Variants in SNRPN observed in about 807,000 individuals in gnomAD.
The protein encoded by SNRPN is small nuclear ribonucleoprotein polypeptide N.
A neutral mutation model predicts 25.2 loss-of-function variants in SNRPN; 7 were observed. The ratio of observed to expected loss-of-function variants is 0.28; its 90% CI spans 0.16 to 0.52. SNRPN has a LOEUF of 0.52. SNRPN is among the 20% of genes least tolerant of loss of function. The pLI is 0.96. For missense variants in SNRPN, 196 were observed against 322.5 expected, an observed-to-expected ratio of 0.61 and a Z score of 3.00; for synonymous variants, 124 against 110.6, an observed-to-expected ratio of 1.12 and a Z score of -0.76.
intron 2 of SNRPN, among the ~76,000 whole-genome samples, chr15:24,831,194 C>A (rs1023326773): frequency 6.6e-6 from 1 of 151,898 alleles, no homozygotes; most frequent in African/African-American, 2.4e-5. Flanking sequence ...AGGTCTTTAT[C>A]CCTGATAATT....
chr15:24,907,515 A>G (rs560396560), intron 2 of SNRPN, among the ~76,000 whole-genome samples: 52 of 151,526 alleles, frequency 3.4e-4, no homozygotes, highest in African/African-American at 1.2e-3. Flanking sequence ...GGAGAATGGC[A>G]TGAACCCAGG....
chr15:24,896,484 G>A (rs1411985029), intron 2 of SNRPN, among the ~76,000 whole-genome samples: 2 of 152,090 alleles, frequency 1.3e-5, no homozygotes, highest in African/African-American at 4.8e-5. Context: ...TGGCTCCTAG[G>A]CAGATCACAA....
chr15:24,965,403 AG>A (rs1190488093), intron 2 of SNRPN, among the ~76,000 whole-genome samples: 1 of 152,052 alleles, frequency 6.6e-6, no homozygotes, highest in Admixed American at 6.6e-5. Context: ...CGGGTGTGGT[AG>A]TGTGCACCTG....
In SNRPN at chr15:24,927,581, G is replaced by A. The variant is rs1010154534; in HGVS notation, c.-391+7457G>A. Among the ~76,000 whole-genome samples, 6 of 142,592 alleles carry A rather than the reference G, an allele frequency of 4.2e-5. No individual in the cohort carries two copies. In the East Asian group the frequency reaches 1.3e-3, roughly 31 times the overall value. The allele number at this position is 142,592 out of a possible 152,430, so 93.5% of individuals were successfully genotyped here. Reference sequence around the variant, plus strand: ...GTCCCTAATGCATTTCCTGAGAACCGGGATATACGTTTGGATAATCATAGT... The same window carrying A: ...GTCCCTAATGCATTTCCTGAGAACCAGGATATACGTTTGGATAATCATAGT... On this transcript the variant is annotated intron_variant, in intron 3 of 11. Transcript: ENST00000400097.
chr15:24,926,353 C>G (rs1390660160), intron 3 of SNRPN, among the ~76,000 whole-genome samples: 1 of 152,114 alleles, frequency 6.6e-6, no homozygotes, highest in Non-Finnish European at 1.5e-5. Context: ...GAAGTCATCT[C>G]TTTCCACCCG....
intron 3 of SNRPN, chr15:24,968,292 C>A: frequency 5.1e-6 from 2 of 392,952 alleles, no homozygotes; most frequent in Non-Finnish European, 9.3e-6. Flanking sequence ...TATTGTAGCG[C>A]ATGCTTTTCA....
At chr15:24,895,317 A>G (rs1167009181) in intron 2 of SNRPN, among the ~76,000 whole-genome samples, 1 of 152,018 alleles carries the variant, frequency 6.6e-6, no homozygotes, top group Non-Finnish European at 1.5e-5. Context: ...TTCAGCTTAA[A>G]ATATTCATTA....
chr15:24,959,350 G>A (rs1018092343), intron 1 of SNRPN, among the ~76,000 whole-genome samples: 2 of 152,196 alleles, frequency 1.3e-5, no homozygotes, highest in Non-Finnish European at 2.9e-5. Flanking sequence ...ATTTAAGCCA[G>A]GTGCGGTGGC....
rs115757436 is a variant in SNRPN at position 24,836,042 on chromosome 15, C to T, written c.-579+6137C>T. Among the ~76,000 whole-genome samples the T allele has an allele frequency of 5.9e-3, 899 of 152,178 alleles. 18 individuals are homozygous for T. Among genetic ancestry groups the T allele is most frequent in the African/African-American group, 0.021 (875 of 41,458 alleles). ...GGGTGGCTTACGCAACAGAAGTTAA[C>T]GTTCTGGAGGCTATAACGTTCTAGA... On this transcript the variant is annotated intron_variant, in intron 2 of 12. Transcript: ENST00000400100.
At chr15:24,834,093 T>C (rs537890049) in intron 2 of SNRPN, among the ~76,000 whole-genome samples, 1 of 152,192 alleles carries the variant, frequency 6.6e-6, no homozygotes, top group South Asian at 2.1e-4. Flanking sequence ...ACCCAGCTAA[T>C]TTTTGTATTT....
chr15:24,895,970 G>A (rs1313625505), intron 2 of SNRPN, among the ~76,000 whole-genome samples: 6 of 152,202 alleles, frequency 3.9e-5, no homozygotes, highest in African/African-American at 1.4e-4. Flanking sequence ...TTATTCCCAT[G>A]TAAGACCTTA....
chr15:24,945,855 C>G lies in SNRPN; in HGVS notation c.-390-16259C>G, dbSNP rs532343615. 3.4e-4 allele frequency among the ~76,000 whole-genome samples: 52 copies of G among 152,268 alleles called. 1 individual carries two copies. The Middle Eastern group carries it at 0.01, about 30-fold the overall frequency. ...GAAATTCAGCAAAGATTTCTCTCTC[C>G]TCATCAAGGCTGTCCCTTGCCTGCT... On this transcript the variant is annotated intron_variant, in intron 3 of 11. Transcript: ENST00000400097.
At chr15:24,912,290 A>G (rs1233244620) in intron 2 of SNRPN, 1 of 152,108 alleles carries the variant, frequency 6.6e-6, no homozygotes, top group Non-Finnish European at 1.5e-5. Flanking sequence ...TCTGACTTTT[A>G]TAAAGGGAAT....
intron 2 of SNRPN, among the ~76,000 whole-genome samples, chr15:24,840,604 G>C (rs1202136413): frequency 6.6e-6 from 1 of 152,126 alleles, no homozygotes; most frequent in Non-Finnish European, 1.5e-5. Context: ...AAAGTGTGTG[G>C]CTTTATTGGT....
intron 3 of SNRPN, among the ~76,000 whole-genome samples, chr15:24,933,817 C>T (rs748881224): frequency 1.3e-5 from 2 of 152,152 alleles, no homozygotes; most frequent in African/African-American, 2.4e-5. Flanking sequence ...AGGCAGTCTT[C>T]TGGTAAGATA....
intron 3 of SNRPN, among the ~76,000 whole-genome samples, chr15:24,940,169 T>A (rs371014260): frequency 7.2e-5 from 11 of 152,332 alleles, no homozygotes; most frequent in African/African-American, 2.6e-4. Flanking sequence ...TTCTGTGTGT[T>A]GCCTTTTCAC....
Position 24,863,249 on chromosome 15 carries a change from T to G in SNRPN, c.-579+6533T>G, listed in dbSNP as rs1007396461. Among the ~76,000 whole-genome samples, 13 of 150,694 alleles carry G rather than the reference T, an allele frequency of 8.6e-5. 1 individual carries two copies. The highest frequency in any genetic ancestry group is 2.7e-4 in the African/African-American group (11 of 40,156). On this transcript the variant is annotated intron_variant, in intron 1 of 11. Coordinates refer to the SNRPN transcript ENST00000400097. Reference sequence around the variant, plus strand: ...GTAGGTTGGATCACTGGATCACAAATTCACAGTGGCTGGCTCATGGCCACC... The same window carrying G: ...GTAGGTTGGATCACTGGATCACAAAGTCACAGTGGCTGGCTCATGGCCACC...
chr15:24,926,948 C>T (rs1595949712), intron 3 of SNRPN, among the ~76,000 whole-genome samples: 1 of 152,046 alleles, frequency 6.6e-6, no homozygotes, highest in Admixed American at 6.6e-5. Flanking sequence ...GAGTTAGAGG[C>T]TGCACTAGAC....
chr15:24,951,925 G>A (rs1268186892), upstream of SNRPN, among the ~76,000 whole-genome samples: 3 of 152,008 alleles, frequency 2.0e-5, no homozygotes, highest in Non-Finnish European at 4.4e-5. Flanking sequence ...CCCTTGAATC[G>A]AAAACTTTTA....
Sources: gnomAD v4.1 joint callset for allele counts (sites outside exome capture counted in the v4.1 genomes callset) on GRCh38, gnomAD v4.1.1 for gene constraint, MANE v1.5 for transcripts, NCBI Gene and HGNC (gene_info 2026-07-23, HGNC 2026-07-21) for gene names.